The following GPD1 variants were observed in gnomAD, a reference collection of about 807,000 sequenced individuals.
The protein encoded by GPD1 is glycerol-3-phosphate dehydrogenase [NAD(+)], cytoplasmic.
A neutral mutation model predicts 34.4 loss-of-function variants in GPD1; 19 were observed. The observed-to-expected ratio is 0.55, with a 90% CI of 0.39 to 0.81. The LOEUF is 0.81. Among genes scored for constraint, GPD1 ranks in the 30% least tolerant of loss-of-function variants. The pLI, the probability that GPD1 is intolerant of heterozygous loss-of-function variation, is 0.00. For missense variants in GPD1, 429 were observed against 447.0 expected (o/e 0.96, Z 0.36); for synonymous variants, 172 against 174.1 (o/e 0.99, Z 0.09).
chr12:50,104,828 G>C (rs1313667160), intron 2 of GPD1, 77 bp downstream of exon 2: 3 of 1,281,586 alleles, frequency 2.3e-6, no homozygotes, highest in Non-Finnish European at 3.3e-6. Context: ...CTCAACAGGT[G>C]CCTCCTGCTG....
In GPD1 at chr12:50,110,803, G is replaced by A. The variant is rs527696233; in HGVS notation, c.*1284G>A. The A allele has an allele frequency of 3.3e-5, 5 of 152,814 alleles. No individual in the cohort carries two copies. The highest frequency in any genetic ancestry group is 7.3e-5 in the Non-Finnish European group (5 of 68,230). 9.5% of individuals were successfully genotyped at this position (152,814 alleles called of 1,614,324 possible). Reference sequence around the variant, plus strand: ...TCCCTGGGGTGAGGAAAGAACAGGAGGGGAGGAGGAGGAGTGTGCTCTGCA... The same window carrying A: ...TCCCTGGGGTGAGGAAAGAACAGGAAGGGAGGAGGAGGAGTGTGCTCTGCA... On this transcript the variant is annotated 3_prime_UTR_variant, in exon 8 of 8. Coordinates refer to ENST00000301149, the MANE Select transcript of GPD1 (RefSeq NM_005276.4).
intron 6 of GPD1, 58 bp from the exon 7 acceptor site, chr12:50,107,965 AC>A: frequency 2.6e-6 from 3 of 1,157,070 alleles, no homozygotes; most frequent in Non-Finnish European, 3.9e-6. Flanking sequence ...CAGTCTCTCC[AC>A]CCCCTACTGA....
chr12:50,110,949 C>T lies in GPD1; in HGVS notation c.*1430C>T, dbSNP rs1030120740. ...CCCGCCCGTCCAGCAGGGCTGTCAG[C>T]TTCCTGTGTGGCAGCACCTGGCACA... On this transcript the variant is annotated 3_prime_UTR_variant, in exon 8 of 8. Coordinates refer to ENST00000301149, the MANE Select transcript of GPD1 (RefSeq NM_005276.4). 6.5e-6 allele frequency: 1 copy of T among 152,754 alleles called. No homozygotes were observed. The highest frequency in any genetic ancestry group is 1.5e-5 in the Non-Finnish European group (1 of 68,126). 9.5% of individuals were successfully genotyped at this position (152,754 alleles called of 1,614,324 possible).
In GPD1 at chr12:50,107,555, C is replaced by T. The variant is rs931005563; in HGVS notation, c.613-12C>T. 6.2e-7 allele frequency: 1 copy of T among 1,606,088 alleles called. No homozygotes were observed. Among genetic ancestry groups the T allele is most frequent in the African/African-American group, 1.3e-5 (1 of 74,732 alleles). On this transcript the variant is annotated splice_polypyrimidine_tract_variant and intron_variant, in intron 5 of 7. Coordinates refer to ENST00000301149, the MANE Select transcript of GPD1 (RefSeq NM_005276.4). ...GGGGTCTTTTCTCACCTATGACCTC[C>T]ACTCCTTCAAGAATGTAGTGGCCGT...
Position 50,104,604 on chromosome 12 carries a change from C to T in GPD1, c.72C>T (p.Gly24=). 6.2e-7 allele frequency: 1 copy of T among 1,613,660 alleles called. No homozygotes were observed. Among genetic ancestry groups the T allele is most frequent in the Non-Finnish European group, 8.5e-7 (1 of 1,179,588 alleles). ...WGSAIAKIVG[G]NAAQLAQFDP... is the part of the protein sequence containing the mutation. ...CAGCCATCGCCAAGATCGTGGGTGGCAATGCAGCCCAGCTGGCACAGTTTG... is the reference window on the plus strand; with the variant it reads ...CAGCCATCGCCAAGATCGTGGGTGGTAATGCAGCCCAGCTGGCACAGTTTG... Residue 24 remains glycine (G), a synonymous_variant, in exon 2 of 8, where the codon GGC becomes GGT. Coordinates refer to ENST00000301149, the MANE Select transcript of GPD1 (RefSeq NM_005276.4).
In GPD1 at chr12:50,106,343, G is replaced by A. The variant is rs141794163; in HGVS notation, c.416G>A (p.Arg139His). ...LKLISEVIGE[R>H]LGIPMSVLMG... ...CTCATCTCGGAAGTGATTGGGGAGC[G>A]CCTCGGCATCCCCATGAGTGTGCTG... is the stretch of plus-strand genomic sequence containing the variant. The change falls in exon 4 of 8, where the codon CGC becomes CAC. Residue 139 changes from arginine to histidine, a missense_variant. Coordinates refer to ENST00000301149, the MANE Select transcript of GPD1 (RefSeq NM_005276.4). 4.7e-5 allele frequency: 76 copies of A among 1,612,710 alleles called. No homozygotes were observed. The African/African-American group carries it at 5.1e-4, about 11-fold the overall frequency.
chr12:50,106,455 A>C (rs756080141), intron 4 of GPD1, 29 bp downstream of exon 4: 3 of 1,599,838 alleles, frequency 1.9e-6, no homozygotes, highest in Middle Eastern at 3.3e-4. Context: ...CTGCATACAC[A>C]GTGCATCTAG....
rs370885973 is a variant in GPD1 at position 50,104,699 on chromosome 12, C to G, written c.167C>G (p.Thr56Arg). Residue 56 changes from threonine to arginine, a missense_variant, in exon 2 of 8, where the codon ACG becomes AGG. Physicochemically the swap from Thr to Arg is moderately conservative, Grantham distance 71. Coordinates refer to ENST00000301149, the MANE Select transcript of GPD1 (RefSeq NM_005276.4). Reference protein sequence around the residue: ...GGKKLTEIINTQHENVKYLPG... With the variant: ...GGKKLTEIINRQHENVKYLPG... ...AAAAAGCTGACTGAGATCATCAACA[C>G]GCAGCATGAGAATGTCAAATACCTG... 16 of 1,614,084 alleles carry G rather than the reference C, an allele frequency of 9.9e-6. No individual in the cohort carries two copies. The Admixed American group carries it at 1.2e-4, about 12-fold the overall frequency.
chr12:50,107,483 G>C, intron 5 of GPD1, 84 bp from the exon 6 acceptor site: 4 of 1,032,940 alleles, frequency 3.9e-6, no homozygotes, highest in Non-Finnish European at 6.1e-6. Context: ...TGGGTGTCAC[G>C]GCTGATGAAA....
chr12:50,105,422 C>A, intron 2 of GPD1, 126 bp from the exon 3 acceptor site: 4 of 859,238 alleles, frequency 4.7e-6, no homozygotes, highest in Non-Finnish European at 7.2e-6. Context: ...CTTCTAGATT[C>A]AGTCCCAAAC....
At chr12:50,108,528 G>A (rs1272052280) in intron 7 of GPD1, among the ~76,000 whole-genome samples, 1 of 152,118 alleles carries the variant, frequency 6.6e-6, no homozygotes, top group Non-Finnish European at 1.5e-5. Flanking sequence ...GAGGTGTAAG[G>A]AGAAGGATGG....
chr12:50,109,794 A>T lies in GPD1; in HGVS notation c.*275A>T. On this transcript the variant is annotated 3_prime_UTR_variant, in exon 8 of 8. Transcript: ENST00000301149. ...TCTCCATATCCTCTGGGAGGGGTGG[A>T]ATCAAGCCCCAGTGCTGCCTGCTTG... 1 of 424,724 alleles carries T rather than the reference A, an allele frequency of 2.4e-6. No individual in the cohort carries two copies. Among genetic ancestry groups the T allele is most frequent in the South Asian group, 2.7e-5 (1 of 37,204 alleles). The allele number at this position is 424,724 out of a possible 1,614,324, so 26.3% of individuals were successfully genotyped here.
rs558995132 is a variant in GPD1 at position 50,104,227 on chromosome 12, G to A, written c.41+136G>A. ...GCTATCTTCTATCATAGCAGCACAG[G>A]ACAGACGGTGCCCGGCCCTCTCCTG... is the stretch of plus-strand genomic sequence containing the variant. On this transcript the variant is annotated intron_variant, in intron 1 of 7. Transcript: ENST00000301149. 34 of 876,708 alleles carry A rather than the reference G, an allele frequency of 3.9e-5. No homozygotes were observed. In the African/African-American group the frequency reaches 5.4e-4, roughly 14 times the overall value. 54.3% of individuals were successfully genotyped at this position (876,708 alleles called of 1,614,324 possible).
chr12:50,105,804 G>A (rs1245544029), intron 3 of GPD1, 116 bp downstream of exon 3: 2 of 1,049,990 alleles, frequency 1.9e-6, no homozygotes, highest in Non-Finnish European at 2.9e-6. Flanking sequence ...GTTTGCTGGA[G>A]AAAAGAGAGG....
chr12:50,105,823 T>C (rs767016274), intron 3 of GPD1, 135 bp downstream of exon 3: 3 of 897,190 alleles, frequency 3.3e-6, no homozygotes, highest in Non-Finnish European at 5.3e-6. Context: ...GGCAGTTGGC[T>C]CTGGAGAGGC....
At chr12:50,107,827 A>G in intron 6 of GPD1, 27 bp downstream of exon 6, 1 of 1,530,092 alleles carries the variant, frequency 6.5e-7, no homozygotes, top group South Asian at 1.1e-5. Flanking sequence ...GGGAGAACAG[A>G]GGGGCGGCTC....
chr12:50,106,477 C>T (rs1950979765), intron 4 of GPD1, 51 bp downstream of exon 4: 1 of 1,482,930 alleles, frequency 6.7e-7, no homozygotes, highest in Admixed American at 1.8e-5. Context: ...TGCATCCCCT[C>T]CCCAAACTGC....
At chr12:50,109,152 A>G (rs1036667331) in intron 7 of GPD1, among the ~76,000 whole-genome samples, 11 of 151,862 alleles carry the variant, frequency 7.2e-5, no homozygotes, top group African/African-American at 2.4e-4. Flanking sequence ...AAAAAAAAAA[A>G]AAAAAAGTGG....
intron 4 of GPD1, 39 bp downstream of exon 4, chr12:50,106,465 G>C: frequency 1.3e-6 from 2 of 1,586,950 alleles, no homozygotes; most frequent in East Asian, 4.5e-5. Context: ...AGTGCATCTA[G>C]TTGCATCCCC....
Sources: gnomAD v4.1 joint callset for allele counts (sites outside exome capture counted in the v4.1 genomes callset) on GRCh38, gnomAD v4.1.1 for gene constraint, MANE v1.5 for transcripts, NCBI Gene and HGNC (gene_info 2026-07-23, HGNC 2026-07-21) for gene names.